RPA1: variants seen among roughly 807,000 people sequenced by gnomAD.
The protein encoded by RPA1 is replication protein A1, also known as replication protein A 70 kDa DNA-binding subunit.
A neutral mutation model predicts 83.0 loss-of-function variants in RPA1; 49 were observed. The observed-to-expected ratio is 0.59, with a 90% confidence interval of 0.47 to 0.75. RPA1 has a LOEUF of 0.75. Among genes scored for constraint, RPA1 ranks in the 30% least tolerant of loss-of-function variants. The pLI is 0.00. For missense variants in RPA1, 693 were observed against 776.1 expected (o/e 0.89, Z 1.27); for synonymous variants, 279 against 281.8 (o/e 0.99, Z 0.10).
At chr17:1,867,166 A>G (rs1484932526) in intron 5 of RPA1, among the ~76,000 whole-genome samples, 7 of 123,380 alleles carry the variant, frequency 5.7e-5, no homozygotes, top group Non-Finnish European at 1.0e-4. Context: ...TTTTTTTTGC[A>G]GTAGTAACGT....
chr17:1,836,016 G>A (rs1273364573), intron 1 of RPA1, among the ~76,000 whole-genome samples: 1 of 152,150 alleles, frequency 6.6e-6, no homozygotes, highest in Non-Finnish European at 1.5e-5. Context: ...CTGACCTCCT[G>A]CCTTACCTTG....
intron 7 of RPA1, 126 bp downstream of exon 7, chr17:1,875,919 A>G (rs914066065): frequency 8.1e-6 from 7 of 859,558 alleles, no homozygotes; most frequent in Non-Finnish European, 1.1e-5. Context: ...GAATGGGTTT[A>G]CTCTTTTTTT....
intron 8 of RPA1, among the ~76,000 whole-genome samples, chr17:1,877,897 A>C (rs891221022): frequency 3.3e-5 from 5 of 152,250 alleles, no homozygotes; most frequent in African/African-American, 1.2e-4. Context: ...GAAGTACGAC[A>C]GTCTTGATAG....
chr17:1,895,670 T>TTTA (rs1160321733), intron 16 of RPA1, among the ~76,000 whole-genome samples: 1 of 145,900 alleles, frequency 6.9e-6, no homozygotes, highest in Non-Finnish European at 1.5e-5. Flanking sequence ...TATTTATTTA[T>TTTA]TTATTTATTT....
At chr17:1,866,235 C>A (rs1913168422) in intron 5 of RPA1, among the ~76,000 whole-genome samples, 1 of 152,016 alleles carries the variant, frequency 6.6e-6, no homozygotes. Flanking sequence ...GAGTGAGACT[C>A]CATCTCAAAA....
intron 4 of RPA1, among the ~76,000 whole-genome samples, chr17:1,849,603 C>T (rs531473227): frequency 2.0e-4 from 30 of 151,254 alleles, no homozygotes; most frequent in Non-Finnish European, 4.1e-4. Flanking sequence ...TCCTTATTCT[C>T]ATATTTGTCA....
intron 5 of RPA1, among the ~76,000 whole-genome samples, chr17:1,866,174 A>G (rs1377992015): frequency 6.6e-6 from 1 of 152,108 alleles, no homozygotes; most frequent in Non-Finnish European, 1.5e-5. Context: ...CCTGGGAGAA[A>G]GAGGCTGCAG....
At position 1,897,478 on chromosome 17, in the gene RPA1, G is replaced by A. The variant is rs546785140; in HGVS notation, c.*303G>A. ...ATTATCATCAAGCAGGAATTATGTC[G>A]TAAGTCACTGACCCTAACTGCAGAC... On this transcript the variant is annotated 3_prime_UTR_variant, in exon 17 of 17. Transcript: ENST00000254719. 5 of 265,948 alleles carry A rather than the reference G, an allele frequency of 1.9e-5. No homozygotes were observed. The highest frequency in any genetic ancestry group is 9.1e-5 in the African/African-American group (4 of 44,096). The allele number at this position is 265,948 out of a possible 1,614,324, so 16.5% of individuals were successfully genotyped here.
intron 16 of RPA1, among the ~76,000 whole-genome samples, chr17:1,896,138 A>G (rs1039384663): frequency 3.9e-5 from 6 of 152,214 alleles, no homozygotes; most frequent in African/African-American, 1.4e-4. Context: ...ACAGAGAGAC[A>G]CGGGCATTCA....
chr17:1,865,810 A>G (rs950861001), intron 5 of RPA1, among the ~76,000 whole-genome samples: 1 of 152,142 alleles, frequency 6.6e-6, no homozygotes, highest in African/African-American at 2.4e-5. Flanking sequence ...ATTTATTATT[A>G]TTTTAATAGA....
At position 1,879,621 on chromosome 17, in the gene RPA1, C is replaced by T; in HGVS notation, c.1014C>T (p.Asn338=). ...DATKITVRSN[N]REVAKRNIYL... ...CTAAAATCACAGTGAGGTCTAACAACAGAGAAGTTGCCAAGAGGAATATCT... is the reference window on the plus strand; with the variant it reads ...CTAAAATCACAGTGAGGTCTAACAATAGAGAAGTTGCCAAGAGGAATATCT... The change falls in exon 11 of 17, where the codon AAC becomes AAT. Residue 338 remains asparagine, a synonymous_variant. Coordinates refer to ENST00000254719, the MANE Select transcript of RPA1 (RefSeq NM_002945.5). 6.2e-7 allele frequency: 1 copy of T among 1,614,250 alleles called. No individual in the cohort carries two copies. The highest frequency in any genetic ancestry group is 8.5e-7 in the Non-Finnish European group (1 of 1,180,050).
In RPA1 at chr17:1,898,054, A is replaced by G. The variant is rs560926274; in HGVS notation, c.*879A>G. On this transcript the variant is annotated 3_prime_UTR_variant, in exon 17 of 17. Coordinates refer to ENST00000254719, the MANE Select transcript of RPA1 (RefSeq NM_002945.5). ...CCCTTGCTTTGTTTTAATAAACAGTATATTCTTTGGTTGTGAATCCTACTT... is the reference window on the plus strand; with the variant it reads ...CCCTTGCTTTGTTTTAATAAACAGTGTATTCTTTGGTTGTGAATCCTACTT... 2.6e-5 allele frequency: 4 copies of G among 152,294 alleles called. No homozygotes were observed. Among genetic ancestry groups the G allele is most frequent in the Admixed American group, 2.0e-4 (3 of 15,304 alleles). The allele number at this position is 152,294 out of a possible 1,614,324, so 9.4% of individuals were successfully genotyped here.
At chr17:1,834,225 G>GT (rs1356242935) in intron 1 of RPA1, among the ~76,000 whole-genome samples, 1 of 152,164 alleles carries the variant, frequency 6.6e-6, no homozygotes, top group African/African-American at 2.4e-5. Flanking sequence ...AATTTGATAA[G>GT]TTTTTTTATT....
intron 14 of RPA1, among the ~76,000 whole-genome samples, chr17:1,890,949 AG>A (rs1914181385): frequency 6.6e-6 from 1 of 152,228 alleles, no homozygotes; most frequent in African/African-American, 2.4e-5. Flanking sequence ...CGTGGGTTAA[AG>A]GAAGTGTGAG....
rs1265687527 is a variant in RPA1 at position 1,897,065 on chromosome 17, T to C, written c.1747-6T>C. 1 of 1,563,370 alleles carries C rather than the reference T, an allele frequency of 6.4e-7. No homozygotes were observed. The highest frequency in any genetic ancestry group is 1.9e-5 in the Admixed American group (1 of 52,532). ...CTGCTCACAAACTACTTCTCCCTTT[T>C]TGAAGGACGAGTCTCGAATTAAGGC... On this transcript the variant is annotated splice_region_variant and splice_polypyrimidine_tract_variant and intron_variant, in intron 16 of 16. Transcript: ENST00000254719.
In RPA1 at chr17:1,830,052, G is replaced by T; in HGVS notation, c.-42G>T. The T allele has an allele frequency of 1.6e-6, 2 of 1,248,590 alleles. No homozygotes were observed. The highest frequency in any genetic ancestry group is 4.1e-5 in the South Asian group (1 of 24,418). The allele number at this position is 1,248,590 out of a possible 1,614,324, so 77.3% of individuals were successfully genotyped here. A position where few individuals can be genotyped will look rare whatever the true frequency, so the allele number is the denominator to read the frequency against. Reference sequence around the variant, plus strand: ...GCGCGGGACCCGGGTGGGGAAGCTGGAGCTGTTGCGGGGTCCGCGGGGAAG... The same window carrying T: ...GCGCGGGACCCGGGTGGGGAAGCTGTAGCTGTTGCGGGGTCCGCGGGGAAG... On this transcript the variant is annotated 5_prime_UTR_variant, in exon 1 of 17. Transcript: ENST00000254719.
chr17:1,858,189 G>C, intron 5 of RPA1: 1 of 1,613,984 alleles, frequency 6.2e-7, no homozygotes, highest in Non-Finnish European at 8.5e-7. Flanking sequence ...GAGGGAAGAC[G>C]AGTGCAAACT....
At chr17:1,867,978 G>A (rs1279446244) in intron 5 of RPA1, among the ~76,000 whole-genome samples, 2 of 152,106 alleles carry the variant, frequency 1.3e-5, no homozygotes, top group African/African-American at 2.4e-5. Context: ...CACCTGCCGG[G>A]GAGGCCGAGT....
chr17:1,880,560 T>A lies in RPA1; in HGVS notation c.1110T>A (p.Gly370=), dbSNP rs745353716. Residue 370 remains glycine (G), a synonymous_variant, in exon 12 of 17, where the codon GGT becomes GGA. Transcript: ENST00000254719. Reference sequence around the variant, plus strand: ...TTTTACAGGCTGATAAATTTGATGGTTCTAGACAGCCCGTGTTGGCTATCA... The same window carrying A: ...TTTTACAGGCTGATAAATTTGATGGATCTAGACAGCCCGTGTTGGCTATCA... ...LWGEDADKFD[G]SRQPVLAIKG... 1.2e-5 allele frequency: 19 copies of A among 1,614,066 alleles called. No homozygotes were observed. Among genetic ancestry groups the A allele is most frequent in the Middle Eastern group, 1.6e-4 (1 of 6,072 alleles).
Sources: allele counts gnomAD v4.1 joint callset (sites outside exome capture counted in the v4.1 genomes callset), GRCh38; gene constraint gnomAD v4.1.1; transcripts MANE v1.5; gene names NCBI Gene and HGNC (gene_info 2026-07-23, HGNC 2026-07-21).